Variants in TAFA2 observed in about 807,000 individuals in gnomAD.
The protein encoded by TAFA2 is chemokine-like protein TAFA-2.
In TAFA2, 7 loss-of-function variants were observed where a neutral mutation model predicts 18.8. That is an observed-to-expected ratio of 0.37 (90% CI 0.21 to 0.70). The LOEUF (loss-of-function observed/expected upper bound fraction) is 0.70, where lower values mean the gene tolerates loss of function less well. Ranked by LOEUF, TAFA2 falls within the 30% of genes least tolerant of loss-of-function variation. The probability of loss-of-function intolerance (pLI) is 0.53; values close to 1 mark genes in which losing one functional copy is unlikely to be tolerated. For missense variants in TAFA2, 122 were observed against 158.1 expected (o/e 0.77, Z 1.23); for synonymous variants, 60 against 54.2 (o/e 1.11, Z -0.47).
At chr12:61,743,444 T>C (rs1868550402) in intron 4 of TAFA2, among the ~76,000 whole-genome samples, 1 of 152,086 alleles carries the variant, frequency 6.6e-6, no homozygotes, top group Non-Finnish European at 1.5e-5. Context: ...CATCAAATAA[T>C]TTAACGCATA....
intron 2 of TAFA2, among the ~76,000 whole-genome samples, chr12:61,812,223 G>C (rs1871900669): frequency 6.6e-6 from 1 of 151,406 alleles, no homozygotes; most frequent in African/African-American, 2.5e-5. Flanking sequence ...TCCCTCTGAA[G>C]GAAACTCCTA....
At chr12:61,964,890 G>T (rs1879016142) in intron 1 of TAFA2, among the ~76,000 whole-genome samples, 1 of 151,446 alleles carries the variant, frequency 6.6e-6, no homozygotes, top group African/African-American at 2.4e-5. Flanking sequence ...TTTTTTTAAT[G>T]TAACTAAATA....
chr12:61,754,170 C>T (rs1475790073), intron 3 of TAFA2, among the ~76,000 whole-genome samples: 1 of 151,838 alleles, frequency 6.6e-6, no homozygotes, highest in Admixed American at 6.6e-5. Context: ...TTAGAGTCAA[C>T]ACTTTATAAT....
At chr12:61,790,810 G>A (rs1000508120) in intron 2 of TAFA2, among the ~76,000 whole-genome samples, 4 of 151,674 alleles carry the variant, frequency 2.6e-5, no homozygotes, top group Non-Finnish European at 5.9e-5. Flanking sequence ...TATAGATTTA[G>A]TGCAATTTCT....
chr12:61,801,408 C>T (rs1473228449), intron 2 of TAFA2, among the ~76,000 whole-genome samples: 1 of 151,948 alleles, frequency 6.6e-6, no homozygotes, highest in Non-Finnish European at 1.5e-5. Flanking sequence ...CAGCATAGTA[C>T]TGGTATAAAA....
intron 1 of TAFA2, among the ~76,000 whole-genome samples, chr12:62,233,247 A>G (rs980560878): frequency 2.0e-5 from 3 of 151,050 alleles, no homozygotes; most frequent in African/African-American, 7.3e-5. Flanking sequence ...TGCCCGGCTA[A>G]TTTTTGTACT....
At chr12:61,832,209 T>C (rs1056895981) in intron 2 of TAFA2, among the ~76,000 whole-genome samples, 1 of 152,048 alleles carries the variant, frequency 6.6e-6, no homozygotes, top group Non-Finnish European at 1.5e-5. Flanking sequence ...AGAATAGCAC[T>C]GTATGGATTT....
chr12:62,037,040 A>G (rs1190709710), intron 1 of TAFA2, among the ~76,000 whole-genome samples: 1 of 152,268 alleles, frequency 6.6e-6, no homozygotes, highest in East Asian at 1.9e-4. Context: ...TTTAATAGCA[A>G]TAAATAAAGT....
intron 1 of TAFA2, among the ~76,000 whole-genome samples, chr12:62,089,468 T>G (rs1167951105): frequency 3.3e-5 from 5 of 151,946 alleles, no homozygotes; most frequent in Admixed American, 2.6e-4. Context: ...TTTTTTAAAT[T>G]TCAGTAATTG....
intron 1 of TAFA2, among the ~76,000 whole-genome samples, chr12:61,926,584 A>C (rs1300310723): frequency 6.6e-6 from 1 of 152,238 alleles, no homozygotes. Flanking sequence ...AAATTGAACC[A>C]ATTACAAAAA....
chr12:61,836,756 T>TATATATATATATATATATATACAC lies in TAFA2; in HGVS notation c.106+30563_106+30564insGTGTATATATATATATATATATAT, dbSNP rs68158949. On this transcript the variant is annotated intron_variant, in intron 2 of 4. Transcript: ENST00000416284. ...TGATATATATATATATATATATATA[T>TATATATATATATATATATATACAC]ACACACACACACACAAATACATATA... 9.5e-3 allele frequency among the ~76,000 whole-genome samples: 1,129 copies of TATATATATATATATATATATACAC among 119,450 alleles called. 8 individuals carry two copies. The highest frequency in any genetic ancestry group is 0.015 in the Non-Finnish European group (840 of 54,836). 78.4% of individuals were successfully genotyped at this position (119,450 alleles called of 152,430 possible). A position where few individuals can be genotyped will look rare whatever the true frequency, so the allele number is the denominator to read the frequency against.
At chr12:61,738,916 A>G (rs1868354180) in intron 4 of TAFA2, among the ~76,000 whole-genome samples, 1 of 152,120 alleles carries the variant, frequency 6.6e-6, no homozygotes. Flanking sequence ...CTGCTGTGGA[A>G]TAATAATGTT....
rs148908174 is a variant in TAFA2 at position 61,961,711 on chromosome 12, T to C, written c.-1-94285A>G. Among the ~76,000 whole-genome samples, 111 of 152,138 alleles carry C rather than the reference T, an allele frequency of 7.3e-4. 2 individuals carry two copies. In the East Asian group the frequency reaches 0.02, roughly 27 times the overall value. ...AGCTATTCCTTTTACTCCTTCTCTA[T>C]GTAGTAAGGTAATAATATTTCAAGT... On this transcript the variant is annotated intron_variant, in intron 1 of 4. Transcript: ENST00000416284.
At chr12:61,956,561 T>C (rs1878701594) in intron 1 of TAFA2, among the ~76,000 whole-genome samples, 1 of 151,614 alleles carries the variant, frequency 6.6e-6, no homozygotes, top group African/African-American at 2.4e-5. Flanking sequence ...AGTTTTGTTT[T>C]CACAGAAAAA....
At chr12:62,025,187 A>G (rs1179533097) in intron 1 of TAFA2, among the ~76,000 whole-genome samples, 1 of 152,144 alleles carries the variant, frequency 6.6e-6, no homozygotes, top group Non-Finnish European at 1.5e-5. Context: ...TTCACTTATA[A>G]GTGGGAGCTA....
intron 4 of TAFA2, among the ~76,000 whole-genome samples, chr12:61,714,566 T>G (rs1869560890): frequency 6.6e-6 from 1 of 152,192 alleles, no homozygotes; most frequent in African/African-American, 2.4e-5. Context: ...AAATCATGTC[T>G]TTAAGTCTGT....
At chr12:62,001,308 A>C (rs1223282917) in intron 1 of TAFA2, among the ~76,000 whole-genome samples, 1 of 152,168 alleles carries the variant, frequency 6.6e-6, no homozygotes, top group African/African-American at 2.4e-5. Flanking sequence ...CTGAGGCAGC[A>C]GGGAGTGGTT....
chr12:61,795,156 G>C (rs1871140307), intron 2 of TAFA2, among the ~76,000 whole-genome samples: 1 of 152,182 alleles, frequency 6.6e-6, no homozygotes, highest in South Asian at 2.1e-4. Flanking sequence ...TTCAACCATT[G>C]TGGAAGAGAG....
chr12:62,234,424 T>C, intron 1 of TAFA2: 1 of 739,238 alleles, frequency 1.4e-6, no homozygotes, highest in Non-Finnish European at 2.5e-6. Context: ...CTGTCCATTG[T>C]TGGCCCGTGG....
Sources: gnomAD v4.1 joint callset for allele counts (sites outside exome capture counted in the v4.1 genomes callset) on GRCh38, gnomAD v4.1.1 for gene constraint, MANE v1.5 for transcripts, NCBI Gene and HGNC (gene_info 2026-07-23, HGNC 2026-07-21) for gene names.